DCDC2B: variants seen among roughly 807,000 people sequenced by gnomAD.
DCDC2B encodes doublecortin domain containing 2B.
Under a neutral mutation model 38.9 loss-of-function variants are expected in DCDC2B, and 41 were observed. That is an observed-to-expected ratio of 1.05 (90% CI 0.82 to 1.37). DCDC2B has a LOEUF of 1.37. Ranked by LOEUF, DCDC2B falls within the 40% of genes most tolerant of loss-of-function variation. The probability of loss-of-function intolerance (pLI) is 0.00; values close to 1 mark genes in which losing one functional copy is unlikely to be tolerated. For synonymous variants in DCDC2B, 181 were observed against 171.9 expected (o/e 1.05, Z -0.41); for missense variants, 453 against 427.2 (o/e 1.06, Z -0.53).
Position 32,212,482 on chromosome 1 carries a change from T to C in DCDC2B, c.528-8T>C, listed in dbSNP as rs1030255727. On this transcript the variant is annotated splice_polypyrimidine_tract_variant and splice_region_variant and intron_variant, in intron 4 of 8. Coordinates refer to ENST00000409358, the MANE Select transcript of DCDC2B (RefSeq NM_001099434.2). ...CCAGCCCTTATCCTCCTCACCTCTC[T>C]CTCCCAGACTCTGCACCCTAGAGGG... The C allele has an allele frequency of 4.3e-6, 7 of 1,613,184 alleles. No individual in the cohort carries two copies. The highest frequency in any genetic ancestry group is 4.0e-5 in the African/African-American group (3 of 74,868).
At chr1:32,215,093 G>A in intron 7 of DCDC2B, 161 bp downstream of exon 7, 1 of 1,055,762 alleles carries the variant, frequency 9.5e-7, no homozygotes, top group Non-Finnish European at 1.3e-6. Context: ...ACCTACTGTG[G>A]CTCAGGAGAC....
At chr1:32,212,852 C>G in intron 6 of DCDC2B, 59 bp downstream of exon 6, 1 of 1,577,834 alleles carries the variant, frequency 6.3e-7, no homozygotes, top group South Asian at 1.1e-5. Flanking sequence ...GCTGACAACT[C>G]TTCTGGCACA....
intron 5 of DCDC2B, 55 bp downstream of exon 5, chr1:32,212,691 G>A (rs1643639174): frequency 4.3e-6 from 7 of 1,613,064 alleles, no homozygotes; most frequent in Non-Finnish European, 5.9e-6. Context: ...GCCACCCTCT[G>A]GGTCTGTGTG....
rs200705472 is a variant in DCDC2B, at chr1:32,214,929, T to A, written c.847T>A (p.Ser283Thr). Reference protein sequence around the residue: ...RSKLPTLSFPSGVIGVYGAPH... With the variant: ...RSKLPTLSFPTGVIGVYGAPH... The stretch of plus-strand genomic sequence containing the variant: ...CAAGCTCCCCACACTCTCATTCCCA[T>A]CAGGTGAGGGGTCCCTGGGGCTCAG... The change falls in exon 7 of 9, where the codon TCA becomes ACA. Residue 283 changes from serine (S) to threonine (T), a missense_variant. Ser to Thr is a moderately conservative substitution (Grantham distance 58). Coordinates refer to ENST00000409358, the MANE Select transcript of DCDC2B (RefSeq NM_001099434.2). 2.5e-5 allele frequency: 41 copies of A among 1,613,790 alleles called. No homozygotes were observed. The African/African-American group carries it at 5.2e-4, about 20-fold the overall frequency.
At chr1:32,212,253 C>G in intron 4 of DCDC2B, 52 bp downstream of exon 4, 1 of 1,594,484 alleles carries the variant, frequency 6.3e-7, no homozygotes, top group Non-Finnish European at 8.6e-7. Context: ...AGCCTCGCCA[C>G]TGGCTTCAGC....
At chr1:32,210,285 C>T (rs1250265716) in intron 1 of DCDC2B, among the ~76,000 whole-genome samples, 2 of 149,044 alleles carry the variant, frequency 1.3e-5, no homozygotes, top group African/African-American at 5.0e-5. Context: ...GAGATCGTGC[C>T]ACTGCACTCC....
intron 2 of DCDC2B, 112 bp from the exon 3 acceptor site, chr1:32,211,648 GC>G (rs1020551344): frequency 1.9e-6 from 2 of 1,057,160 alleles, no homozygotes; most frequent in African/African-American, 1.6e-5. Flanking sequence ...ACTCCTCCTC[GC>G]CCCCTTCCTG....
chr1:32,214,678 A>G (rs947792992), intron 6 of DCDC2B, 119 bp from the exon 7 acceptor site: 2 of 1,424,584 alleles, frequency 1.4e-6, no homozygotes, highest in Admixed American at 2.3e-5. Context: ...GTGAAGACAG[A>G]CGGTGTCTCC....
rs1643628107 is a variant in DCDC2B at position 32,212,485 on chromosome 1, C to T, written c.528-5C>T. 6.2e-7 allele frequency: 1 copy of T among 1,613,892 alleles called. No homozygotes were observed. The highest frequency in any genetic ancestry group is 1.3e-5 in the African/African-American group (1 of 75,046). ...GCCCTTATCCTCCTCACCTCTCTCT[C>T]CCAGACTCTGCACCCTAGAGGGGCT... On this transcript the variant is annotated splice_polypyrimidine_tract_variant and splice_region_variant and intron_variant, in intron 4 of 8. Coordinates refer to ENST00000409358, the MANE Select transcript of DCDC2B (RefSeq NM_001099434.2).
chr1:32,213,306 A>ACAC lies in DCDC2B; in HGVS notation c.714+514_714+516dup, dbSNP rs374030084. Among the ~76,000 whole-genome samples, 5 of 151,220 alleles carry ACAC rather than the reference A, an allele frequency of 3.3e-5. No homozygotes were observed. In the East Asian group the frequency reaches 9.7e-4, roughly 29 times the overall value. On this transcript the variant is annotated intron_variant, in intron 6 of 8. Coordinates refer to ENST00000409358, the MANE Select transcript of DCDC2B (RefSeq NM_001099434.2). ...CTTGGCCTCCCAAAGTGCTGTGATT[A>ACAC]CACTATGCCCAGCCTGCATCCTCTT...
intron 2 of DCDC2B, among the ~76,000 whole-genome samples, 196 bp from the exon 3 acceptor site, chr1:32,211,565 T>C (rs1643585312): frequency 6.6e-6 from 1 of 152,148 alleles, no homozygotes; most frequent in Non-Finnish European, 1.5e-5. Context: ...AAACACAGAT[T>C]GGGGGAGGGG....
At chr1:32,213,616 C>G (rs1268642297) in intron 6 of DCDC2B, among the ~76,000 whole-genome samples, 1 of 149,968 alleles carries the variant, frequency 6.7e-6, no homozygotes, top group Admixed American at 6.7e-5. Flanking sequence ...TCATGCCATT[C>G]TCCTGCCTCA....
At position 32,211,936 on chromosome 1, in the gene DCDC2B, G is replaced by T. The variant is rs185414101; in HGVS notation, c.395+99G>T. ...TTCTAGGAGCCTCTGGTTACTGTTG[G>T]GAATGTAGAAGTCCAGCATGCTTGA... On this transcript the variant is annotated intron_variant, in intron 3 of 8. Transcript: ENST00000409358. 198 of 1,540,168 alleles carry T rather than the reference G, an allele frequency of 1.3e-4. 1 individual carries two copies. The highest frequency in any genetic ancestry group is 1.2e-3 in the African/African-American group (91 of 73,078).
At chr1:32,209,930 C>T (rs1363757724) in intron 1 of DCDC2B, among the ~76,000 whole-genome samples, 5 of 152,154 alleles carry the variant, frequency 3.3e-5, no homozygotes, top group East Asian at 1.9e-4. Flanking sequence ...CGGTGGTTCA[C>T]GCCTGTAATC....
rs1327414161 is a variant in DCDC2B, at chr1:32,209,162, C to T, written c.69C>T (p.Gly23=). 3.1e-6 allele frequency: 5 copies of T among 1,614,012 alleles called. No individual in the cohort carries two copies. The highest frequency in any genetic ancestry group is 3.4e-6 in the Non-Finnish European group (4 of 1,179,888). Residue 23 remains glycine, a synonymous_variant, in exon 1 of 9, where the codon GGC becomes GGT. Transcript: ENST00000409358. ...VYRNGDPFFP[G]SQLVVTQRRF... is the part of the protein sequence containing the mutation. ...GGAATGGGGACCCATTCTTCCCAGGCTCCCAGCTGGTGGTGACTCAACGCC... is the reference window on the plus strand; with the variant it reads ...GGAATGGGGACCCATTCTTCCCAGGTTCCCAGCTGGTGGTGACTCAACGCC...
rs745397017 is a variant in DCDC2B, at chr1:32,212,588, C to CCTAT, written c.629_632dup (p.Glu212SerfsTer23). 1.2e-6 allele frequency: 2 copies of CCTAT among 1,614,006 alleles called. No individual in the cohort carries two copies. The highest frequency in any genetic ancestry group is 1.7e-6 in the Non-Finnish European group (2 of 1,179,892). Reference sequence around the variant, plus strand: ...GGAGAGGATGAGTTCAAGGACCTTCCCTATCTGGAGCTGCTGGTGCCCAGC... The same window carrying CCTAT: ...GGAGAGGATGAGTTCAAGGACCTTCCCTATCTATCTGGAGCTGCTGGTGCCCAGC... On this transcript the variant is annotated frameshift_variant, in exon 5 of 9. Coordinates refer to ENST00000409358, the MANE Select transcript of DCDC2B (RefSeq NM_001099434.2). LOFTEE classifies it high-confidence loss of function.
chr1:32,215,380 G>A (rs1193026107), intron 7 of DCDC2B, 60 bp from the exon 8 acceptor site: 1 of 1,414,898 alleles, frequency 7.1e-7, no homozygotes, highest in African/African-American at 1.4e-5. Context: ...GAAGGTCCAG[G>A]GCAGGAATGC....
In DCDC2B at chr1:32,209,402, A is replaced by G. The variant is rs1192254949; in HGVS notation, c.266+43A>G. On this transcript the variant is annotated intron_variant, in intron 1 of 8. Coordinates refer to ENST00000409358, the MANE Select transcript of DCDC2B (RefSeq NM_001099434.2). ...GGTCAAACAGCCTAGCAAGGGAGGTAACGGCAAGAGCGTGTATTCAGTACC... is the reference window on the plus strand; with the variant it reads ...GGTCAAACAGCCTAGCAAGGGAGGTGACGGCAAGAGCGTGTATTCAGTACC... 2.5e-6 allele frequency: 4 copies of G among 1,605,142 alleles called. No homozygotes were observed. In the Admixed American group the frequency reaches 6.7e-5, roughly 27 times the overall value.
chr1:32,215,918 C>A lies in DCDC2B; in HGVS notation c.*21C>A. 6.5e-7 allele frequency: 1 copy of A among 1,536,312 alleles called. No individual in the cohort carries two copies. The highest frequency in any genetic ancestry group is 8.8e-7 in the Non-Finnish European group (1 of 1,134,094). On this transcript the variant is annotated 3_prime_UTR_variant, in exon 9 of 9. Transcript: ENST00000409358. ...CTTGAGAGCCAGCAGCTCCAGAGGGCAACTGGGGACCACTACTCTGGCCAC... is the reference window on the plus strand; with the variant it reads ...CTTGAGAGCCAGCAGCTCCAGAGGGAAACTGGGGACCACTACTCTGGCCAC...
Sources: allele counts gnomAD v4.1 joint callset (sites outside exome capture counted in the v4.1 genomes callset), GRCh38; gene constraint gnomAD v4.1.1; transcripts MANE v1.5; gene names NCBI Gene and HGNC (gene_info 2026-07-23, HGNC 2026-07-21).